Variants in CHST11 observed in about 807,000 individuals in gnomAD.
CHST11 encodes carbohydrate sulfotransferase 11.
In CHST11, 9 loss-of-function variants were observed where a neutral mutation model predicts 30.4. That is an observed-to-expected ratio of 0.30 (90% CI 0.18 to 0.52). The LOEUF (loss-of-function observed/expected upper bound fraction) is 0.52, where lower values mean the gene tolerates loss of function less well. Among genes scored for constraint, CHST11 ranks in the 20% least tolerant of loss-of-function variants. The pLI, the probability that CHST11 is intolerant of heterozygous loss-of-function variation, is 0.97. For synonymous variants in CHST11, 152 were observed against 187.8 expected (o/e 0.81, Z 1.56); for missense variants, 348 against 460.6 (o/e 0.76, Z 2.24).
At position 104,683,105 on chromosome 12, in the gene CHST11, G is replaced by A. The variant is rs559226201; in HGVS notation, c.205-73844G>A. Among the ~76,000 whole-genome samples, 5 of 152,326 alleles carry A rather than the reference G, an allele frequency of 3.3e-5. No individual in the cohort carries two copies. The East Asian group carries it at 9.6e-4, about 29-fold the overall frequency. On this transcript the variant is annotated intron_variant, in intron 2 of 2. Coordinates refer to ENST00000303694, the MANE Select transcript of CHST11 (RefSeq NM_018413.6). ...AGTGTTGAAATGGCAAAAGGGGGCGGGGTCTTGAGCAGGAGGTGGAATGGA... is the reference window on the plus strand; with the variant it reads ...AGTGTTGAAATGGCAAAAGGGGGCGAGGTCTTGAGCAGGAGGTGGAATGGA...
At chr12:104,580,408 C>T (rs2038731413) in intron 1 of CHST11, among the ~76,000 whole-genome samples, 1 of 152,186 alleles carries the variant, frequency 6.6e-6, no homozygotes, top group Non-Finnish European at 1.5e-5. Flanking sequence ...AGATGTTAGG[C>T]TGCCTGTTTC....
chr12:104,640,331 A>C (rs2039363798), intron 2 of CHST11, among the ~76,000 whole-genome samples: 1 of 152,232 alleles, frequency 6.6e-6, no homozygotes, highest in South Asian at 2.1e-4. Flanking sequence ...CTACCATGAT[A>C]CCCTTATACA....
intron 1 of CHST11, among the ~76,000 whole-genome samples, chr12:104,536,033 G>C (rs929961973): frequency 1.3e-5 from 2 of 152,158 alleles, no homozygotes; most frequent in African/African-American, 4.8e-5. Flanking sequence ...TAGAAATGAG[G>C]GTGAGACTGT....
At chr12:104,709,330 G>T (rs1592851459) in intron 2 of CHST11, among the ~76,000 whole-genome samples, 1 of 152,310 alleles carries the variant, frequency 6.6e-6, no homozygotes, top group South Asian at 2.1e-4. Flanking sequence ...AGTACATGAG[G>T]CTCTGATAGG....
At chr12:104,631,746 T>G (rs1048811108) in intron 2 of CHST11, among the ~76,000 whole-genome samples, 2 of 152,188 alleles carry the variant, frequency 1.3e-5, no homozygotes, top group African/African-American at 2.4e-5. Flanking sequence ...GCAAGGCCCC[T>G]TGTTAAAAAA....
intron 1 of CHST11, among the ~76,000 whole-genome samples, chr12:104,519,375 T>C (rs768336719): frequency 6.6e-6 from 1 of 152,180 alleles, no homozygotes; most frequent in Non-Finnish European, 1.5e-5. Flanking sequence ...TTCAGACCAT[T>C]AGCTAAAGCC....
At chr12:104,510,624 T>C (rs1176631659) in intron 1 of CHST11, among the ~76,000 whole-genome samples, 1 of 152,214 alleles carries the variant, frequency 6.6e-6, no homozygotes, top group Non-Finnish European at 1.5e-5. Flanking sequence ...TCCTTGCTCC[T>C]CTTTGTGGAA....
intron 1 of CHST11, among the ~76,000 whole-genome samples, chr12:104,520,577 A>C (rs1435528341): frequency 6.6e-6 from 1 of 152,098 alleles, no homozygotes; most frequent in Non-Finnish European, 1.5e-5. Context: ...ATTGCAAAGC[A>C]CTTCTTGAAG....
At chr12:104,697,333 T>G (rs2039956200) in intron 2 of CHST11, among the ~76,000 whole-genome samples, 1 of 152,230 alleles carries the variant, frequency 6.6e-6, no homozygotes, top group African/African-American at 2.4e-5. Flanking sequence ...TTTGAATCAG[T>G]AGACTGAGTA....
chr12:104,692,073 G>A (rs953085438), intron 2 of CHST11, among the ~76,000 whole-genome samples: 1 of 152,224 alleles, frequency 6.6e-6, no homozygotes, highest in Non-Finnish European at 1.5e-5. Context: ...ACAATTGAGA[G>A]CAAGATGATG....
chr12:104,488,614 T>C (rs1426927759), intron 1 of CHST11, among the ~76,000 whole-genome samples: 1 of 145,660 alleles, frequency 6.9e-6, no homozygotes, highest in African/African-American at 2.5e-5. Context: ...TGTGTGTATG[T>C]ATGTGTGCAT....
chr12:104,713,662 T>C (rs899080459), intron 2 of CHST11, among the ~76,000 whole-genome samples: 1 of 152,140 alleles, frequency 6.6e-6, no homozygotes, highest in African/African-American at 2.4e-5. Flanking sequence ...GCCACTCTTC[T>C]GTTTGCCGAC....
At chr12:104,697,708 A>C (rs953461462) in intron 2 of CHST11, among the ~76,000 whole-genome samples, 3 of 152,156 alleles carry the variant, frequency 2.0e-5, no homozygotes, top group Non-Finnish European at 4.4e-5. Context: ...AAAATAAGAA[A>C]ATTTAAAACA....
chr12:104,698,843 C>T (rs1402165728), intron 2 of CHST11, among the ~76,000 whole-genome samples: 1 of 152,170 alleles, frequency 6.6e-6, no homozygotes, highest in East Asian at 1.9e-4. Flanking sequence ...AAAGCAAGCA[C>T]TGTTTACTTG....
At chr12:104,645,795 A>C (rs529948182) in intron 2 of CHST11, among the ~76,000 whole-genome samples, 2 of 152,330 alleles carry the variant, frequency 1.3e-5, no homozygotes, top group South Asian at 4.1e-4. Context: ...CAACAGCACC[A>C]AATAAGATGA....
At chr12:104,650,979 T>A (rs557677174) in intron 2 of CHST11, among the ~76,000 whole-genome samples, 1 of 152,338 alleles carries the variant, frequency 6.6e-6, no homozygotes, top group Admixed American at 6.5e-5. Context: ...GTTAAATGAT[T>A]TAATACTTGT....
intron 2 of CHST11, among the ~76,000 whole-genome samples, chr12:104,725,329 T>G (rs887427579): frequency 1.3e-5 from 2 of 152,152 alleles, no homozygotes; most frequent in Non-Finnish European, 2.9e-5. Context: ...GAGGCCGTGG[T>G]GCCGAAACAA....
chr12:104,669,374 T>G (rs1411997131), intron 2 of CHST11, among the ~76,000 whole-genome samples: 1 of 152,230 alleles, frequency 6.6e-6, no homozygotes, highest in Non-Finnish European at 1.5e-5. Flanking sequence ...GAGCTTTGCT[T>G]GTTTTGAATC....
intron 2 of CHST11, among the ~76,000 whole-genome samples, chr12:104,703,019 C>G (rs2040002346): frequency 1.3e-5 from 2 of 152,212 alleles, no homozygotes; most frequent in Non-Finnish European, 2.9e-5. Flanking sequence ...CCCACACTCT[C>G]TAGGACTAAT....
Sources: allele counts gnomAD v4.1 joint callset (sites outside exome capture counted in the v4.1 genomes callset), GRCh38; gene constraint gnomAD v4.1.1; transcripts MANE v1.5; gene names NCBI Gene and HGNC (gene_info 2026-07-23, HGNC 2026-07-21).